The following MBNL1 variants were observed in gnomAD, a reference collection of about 807,000 sequenced individuals.
MBNL1 encodes muscleblind like splicing regulator 1, also known as muscleblind-like protein 1.
Under a neutral mutation model 42.2 loss-of-function variants are expected in MBNL1, and 8 were observed. That is an observed-to-expected ratio of 0.19 (90% CI 0.11 to 0.34). The LOEUF is 0.34. Ranked by LOEUF, MBNL1 falls within the 10% of genes least tolerant of loss-of-function variation. MBNL1 has a pLI of 1.00. For missense variants in MBNL1, 309 were observed against 495.3 expected, an observed-to-expected ratio of 0.62 and a Z score of 3.57; for synonymous variants, 169 against 173.9, an observed-to-expected ratio of 0.97 and a Z score of 0.22.
chr3:152,264,883 G>A (rs185128303), upstream of MBNL1: 8 of 151,888 alleles, frequency 5.3e-5, no homozygotes, highest in South Asian at 2.1e-4. Context: ...TGCAATATAC[G>A]TGTTATACAT....
intron 2 of MBNL1, among the ~76,000 whole-genome samples, chr3:152,260,336 G>A (rs1180861880): frequency 6.6e-6 from 1 of 152,116 alleles, no homozygotes; most frequent in Non-Finnish European, 1.5e-5. Flanking sequence ...ATCCAGGTGG[G>A]GCCAGGAGGG....
At chr3:152,287,133 G>A (rs913663224) in intron 1 of MBNL1, among the ~76,000 whole-genome samples, 5 of 151,628 alleles carry the variant, frequency 3.3e-5, no homozygotes, top group African/African-American at 1.2e-4. Context: ...CAGGAGAATG[G>A]CATGAACCCA....
intron 2 of MBNL1, among the ~76,000 whole-genome samples, chr3:152,399,320 T>C (rs2098118976): frequency 6.6e-6 from 1 of 152,154 alleles, no homozygotes; most frequent in Admixed American, 6.5e-5. Context: ...CCTATTTCTT[T>C]TGTCTCATCC....
chr3:152,321,748 T>C (rs553851270), intron 2 of MBNL1, among the ~76,000 whole-genome samples: 9 of 152,190 alleles, frequency 5.9e-5, no homozygotes, highest in African/African-American at 1.9e-4. Context: ...GATTTTTTTT[T>C]CCTCAGTAAT....
At chr3:152,427,648 A>G (rs1002854349) in intron 3 of MBNL1, among the ~76,000 whole-genome samples, 2 of 152,078 alleles carry the variant, frequency 1.3e-5, no homozygotes, top group African/African-American at 4.8e-5. Flanking sequence ...GTTCAGTGAG[A>G]CTAGTTACAG....
At chr3:152,388,739 T>C (rs989556667) in intron 2 of MBNL1, among the ~76,000 whole-genome samples, 4 of 152,228 alleles carry the variant, frequency 2.6e-5, no homozygotes, top group Non-Finnish European at 4.4e-5. Flanking sequence ...GAGCTGGAAA[T>C]CTGGAAGCTT....
chr3:152,446,482 GTTA>G (rs1308934531), intron 5 of MBNL1, among the ~76,000 whole-genome samples: 2 of 151,798 alleles, frequency 1.3e-5, no homozygotes, highest in East Asian at 3.9e-4. Context: ...ACAAAGAGGA[GTTA>G]TCCTCCCAAT....
At chr3:152,247,216 TC>T (rs1332905381) in intron 2 of MBNL1, among the ~76,000 whole-genome samples, 1 of 152,140 alleles carries the variant, frequency 6.6e-6, no homozygotes, top group African/African-American at 2.4e-5. Flanking sequence ...AATCTTTGTA[TC>T]CCAGATAATG....
chr3:152,369,027 G>A (rs1037971892), intron 2 of MBNL1, among the ~76,000 whole-genome samples: 4 of 152,120 alleles, frequency 2.6e-5, no homozygotes, highest in African/African-American at 9.7e-5. Context: ...GATTGCCCTG[G>A]CCAGAACCTC....
chr3:152,384,404 T>G (rs576834213), intron 2 of MBNL1, among the ~76,000 whole-genome samples: 6 of 152,080 alleles, frequency 3.9e-5, no homozygotes, highest in Non-Finnish European at 8.8e-5. Flanking sequence ...GAAAATAAAA[T>G]GTATGCAGTT....
intron 2 of MBNL1, among the ~76,000 whole-genome samples, chr3:152,350,554 AG>A (rs1250732821): frequency 6.6e-6 from 1 of 152,142 alleles, no homozygotes; most frequent in African/African-American, 2.4e-5. Context: ...CACTAAGGGA[AG>A]GGGCAGCCGT....
At chr3:152,288,938 T>C (rs933202329) in intron 1 of MBNL1, among the ~76,000 whole-genome samples, 1 of 152,210 alleles carries the variant, frequency 6.6e-6, no homozygotes, top group Non-Finnish European at 1.5e-5. Flanking sequence ...GGCTTTCATT[T>C]CTATTTATAG....
At chr3:152,309,472 A>G (rs1216201396) in intron 2 of MBNL1, among the ~76,000 whole-genome samples, 1 of 152,254 alleles carries the variant, frequency 6.6e-6, no homozygotes, top group Non-Finnish European at 1.5e-5. Context: ...ATCTCTCTGC[A>G]TAAAAATCAG....
At chr3:152,265,398 G>GTA (rs1478690286), upstream of MBNL1, 16 of 149,224 alleles carry the variant, frequency 1.1e-4, no homozygotes, top group African/African-American at 3.9e-4. Context: ...GTGTGTGTGT[G>GTA]TGTGTGTGTG....
At chr3:152,361,076 A>G (rs1010270361) in intron 2 of MBNL1, among the ~76,000 whole-genome samples, 3 of 152,182 alleles carry the variant, frequency 2.0e-5, no homozygotes, top group Non-Finnish European at 2.9e-5. Flanking sequence ...GAGGAATAAA[A>G]TATTACCATT....
rs78890211 is a variant in MBNL1, at chr3:152,261,576, C to T, written n.333+17136C>T. Among the ~76,000 whole-genome samples, 938 of 152,174 alleles carry T rather than the reference C, an allele frequency of 6.2e-3. 9 individuals are homozygous for T. Among genetic ancestry groups the T allele is most frequent in the African/African-American group, 0.022 (903 of 41,516 alleles). On this transcript the variant is annotated intron_variant and non_coding_transcript_variant, in intron 2 of 2. Coordinates refer to the MBNL1 transcript ENST00000477171. ...ACTTTAATCAGATAATCTCCTATCA[C>T]CTAGTTGAGGATTTGTTACCGAAAG...
At chr3:152,408,422 A>C (rs1253547865) in intron 2 of MBNL1, among the ~76,000 whole-genome samples, 1 of 152,144 alleles carries the variant, frequency 6.6e-6, no homozygotes. Flanking sequence ...AGCTCTTAAG[A>C]GTTTATTCAA....
At chr3:152,288,929 G>C (rs2054214515) in intron 1 of MBNL1, among the ~76,000 whole-genome samples, 1 of 152,052 alleles carries the variant, frequency 6.6e-6, no homozygotes, top group African/African-American at 2.4e-5. Flanking sequence ...ACAAAAACAG[G>C]CTTTCATTTC....
At chr3:152,349,183 A>G (rs2094632442) in intron 2 of MBNL1, among the ~76,000 whole-genome samples, 1 of 152,090 alleles carries the variant, frequency 6.6e-6, no homozygotes, top group Non-Finnish European at 1.5e-5. Flanking sequence ...GTATGTATGT[A>G]CAGGCACACT....
Sources: allele counts gnomAD v4.1 joint callset (sites outside exome capture counted in the v4.1 genomes callset), GRCh38; gene constraint gnomAD v4.1.1; transcripts MANE v1.5; gene names NCBI Gene and HGNC (gene_info 2026-07-23, HGNC 2026-07-21).